Variants in SOCS2 observed in about 807,000 individuals in gnomAD.
The protein encoded by SOCS2 is CIS-2.
Under a neutral mutation model 18.6 loss-of-function variants are expected in SOCS2, and 10 were observed. The ratio of observed to expected loss-of-function variants is 0.54; its 90% CI spans 0.33 to 0.91. SOCS2 has a LOEUF of 0.91. Among genes scored for constraint, SOCS2 ranks in the 40% least tolerant of loss-of-function variants. The probability of loss-of-function intolerance (pLI) is 0.02; values close to 1 mark genes in which losing one functional copy is unlikely to be tolerated. For synonymous variants in SOCS2, 104 were observed against 104.0 expected (o/e 1.00, Z 0.00); for missense variants, 231 against 247.2 (o/e 0.93, Z 0.44).
chr12:93,597,542 G>A, the SOCS2 span, among the ~76,000 whole-genome samples: 16 of 152,198 alleles, frequency 1.1e-4, no homozygotes, highest in Admixed American at 2.0e-4. Context: ...TCTCAAACTC[G>A]TGACCTCAAG....
the SOCS2 span, among the ~76,000 whole-genome samples, chr12:93,601,273 T>TTTA: frequency 6.6e-6 from 1 of 152,068 alleles, no homozygotes; most frequent in African/African-American, 2.4e-5. Context: ...TATTTATTTA[T>TTTA]TTATTATTAT....
At chr12:93,598,805 A>G in the SOCS2 span, among the ~76,000 whole-genome samples, 1 of 152,196 alleles carries the variant, frequency 6.6e-6, no homozygotes, top group African/African-American at 2.4e-5. Context: ...ATCCTTACAT[A>G]GAGAGGTTTG....
the SOCS2 span, among the ~76,000 whole-genome samples, chr12:93,601,377 G>A: frequency 6.6e-6 from 1 of 151,940 alleles, no homozygotes; most frequent in Non-Finnish European, 1.5e-5. Context: ...TGGGTTCAAG[G>A]GATTTTCCAT....
At chr12:93,573,348 C>A in intron 1 of SOCS2, 1 of 491,844 alleles carries the variant, frequency 2.0e-6, no homozygotes, top group African/African-American at 2.0e-5. Flanking sequence ...GAACCCCGGC[C>A]GGGGAAAGCG....
At chr12:93,588,526 G>A in the SOCS2 span, among the ~76,000 whole-genome samples, 2 of 152,230 alleles carry the variant, frequency 1.3e-5, no homozygotes, top group South Asian at 4.2e-4. Context: ...GAACGTGATC[G>A]TTGAGGAGGT....
chr12:93,588,767 C>T, the SOCS2 span, among the ~76,000 whole-genome samples: 1 of 152,096 alleles, frequency 6.6e-6, no homozygotes, highest in East Asian at 1.9e-4. Flanking sequence ...CAGGCATGCA[C>T]CACCAAGCCT....
At chr12:93,589,267 T>C in the SOCS2 span, among the ~76,000 whole-genome samples, 1 of 152,232 alleles carries the variant, frequency 6.6e-6, no homozygotes, top group Non-Finnish European at 1.5e-5. Flanking sequence ...GACTGATAGA[T>C]TTCAAAGGCA....
the SOCS2 span, among the ~76,000 whole-genome samples, chr12:93,595,405 C>T: frequency 6.6e-6 from 1 of 152,110 alleles, no homozygotes; most frequent in African/African-American, 2.4e-5. Context: ...AATCTTTCTA[C>T]CCTTCTTTGT....
downstream of SOCS2, among the ~76,000 whole-genome samples, chr12:93,578,490 G>T (rs1353764847): frequency 6.6e-6 from 1 of 152,070 alleles, no homozygotes; most frequent in Non-Finnish European, 1.5e-5. Flanking sequence ...TCTTTAAGTC[G>T]TCCTTTCTAT....
chr12:93,619,611 A>G, the SOCS2 span, among the ~76,000 whole-genome samples: 2 of 152,218 alleles, frequency 1.3e-5, no homozygotes, highest in Non-Finnish European at 2.9e-5. Flanking sequence ...CAGGAATCCT[A>G]TGAGATACCT....
downstream of SOCS2, among the ~76,000 whole-genome samples, chr12:93,577,594 A>G (rs936411952): frequency 3.8e-4 from 58 of 152,022 alleles, no homozygotes; most frequent in African/African-American, 1.4e-3. Context: ...ATTGATCCAG[A>G]CAAACAAGTT....
chr12:93,575,293 A>T lies in SOCS2; in HGVS notation c.*114A>T. 1 of 671,542 alleles carries T rather than the reference A, an allele frequency of 1.5e-6. No homozygotes were observed. The highest frequency in any genetic ancestry group is 2.4e-6 in the Non-Finnish European group (1 of 418,898). 41.6% of individuals were successfully genotyped at this position (671,542 alleles called of 1,614,324 possible). On this transcript the variant is annotated 3_prime_UTR_variant, in exon 2 of 2. Transcript: ENST00000551556. ...ACTATATGGAATGCTTTCTAAGAAC[A>T]GCTGAAGCTAATCTAATTTAAATTT... is the stretch of plus-strand genomic sequence containing the variant.
chr12:93,611,719 A>G, the SOCS2 span, among the ~76,000 whole-genome samples: 6 of 152,236 alleles, frequency 3.9e-5, no homozygotes, highest in Non-Finnish European at 7.3e-5. Context: ...AGCACAATTT[A>G]TCCAATTTCT....
At chr12:93,578,883 C>T (rs1291865845), downstream of SOCS2, among the ~76,000 whole-genome samples, 6 of 152,208 alleles carry the variant, frequency 3.9e-5, no homozygotes, top group East Asian at 7.7e-4. Flanking sequence ...ATATTTCTTC[C>T]GCTGGGATTC....
downstream of SOCS2, among the ~76,000 whole-genome samples, chr12:93,588,000 G>A (rs180988691): frequency 6.6e-6 from 1 of 152,326 alleles, no homozygotes; most frequent in Admixed American, 6.5e-5. Context: ...GCTCTGGAGG[G>A]ACGTGACCTG....
the SOCS2 span, among the ~76,000 whole-genome samples, chr12:93,624,810 T>A: frequency 1.3e-5 from 2 of 152,180 alleles, no homozygotes; most frequent in Non-Finnish European, 2.9e-5. Flanking sequence ...TATGCCACTG[T>A]GTGGGCAAAG....
the SOCS2 span, among the ~76,000 whole-genome samples, chr12:93,614,528 C>T: frequency 8.9e-4 from 72 of 80,450 alleles, 9 homozygotes; most frequent in African/African-American, 4.0e-3. Flanking sequence ...TCCTTCCTTC[C>T]TTCCTTCCTT....
downstream of SOCS2, among the ~76,000 whole-genome samples, chr12:93,587,201 C>A (rs1034778722): frequency 6.6e-6 from 1 of 151,906 alleles, no homozygotes; most frequent in Admixed American, 6.6e-5. Flanking sequence ...TAGTCCCCGA[C>A]CTCAAGGAGA....
At chr12:93,573,456 A>C in intron 1 of SOCS2, 2 of 355,560 alleles carry the variant, frequency 5.6e-6, no homozygotes, top group Non-Finnish European at 1.0e-5. Context: ...CTGCGGCTGC[A>C]GCCCAGGATC....
Sources: allele counts gnomAD v4.1 joint callset (sites outside exome capture counted in the v4.1 genomes callset), GRCh38; gene constraint gnomAD v4.1.1; transcripts MANE v1.5; gene names NCBI Gene and HGNC (gene_info 2026-07-23, HGNC 2026-07-21).